The following ABCD4 variants were observed in gnomAD, a reference collection of about 807,000 sequenced individuals.
The protein encoded by ABCD4 is ATP binding cassette subfamily D member 4.
In ABCD4, 53 loss-of-function variants were observed where a neutral mutation model predicts 86.3. The observed-to-expected ratio is 0.61, with a 90% CI of 0.49 to 0.77. ABCD4 has a LOEUF of 0.77. Among genes scored for constraint, ABCD4 ranks in the 30% least tolerant of loss-of-function variants. The pLI is 0.00. For missense variants in ABCD4, 757 were observed against 764.5 expected, an observed-to-expected ratio of 0.99 and a Z score of 0.12; for synonymous variants, 328 against 313.6, an observed-to-expected ratio of 1.05 and a Z score of -0.49.
chr14:74,290,554 T>A, intron 11 of ABCD4, 55 bp from the exon 12 acceptor site: 2 of 1,417,168 alleles, frequency 1.4e-6, no homozygotes, highest in Middle Eastern at 1.8e-4. Context: ...AGTATTGCTG[T>A]GGGGGAGGCA....
Position 74,288,774 on chromosome 14 carries a change from C to T in ABCD4, c.1457-9G>A. The T allele has an allele frequency of 1.2e-6, 2 of 1,613,208 alleles. No homozygotes were observed. The highest frequency in any genetic ancestry group is 1.7e-6 in the Non-Finnish European group (2 of 1,179,674). On this transcript the variant is annotated splice_polypyrimidine_tract_variant and intron_variant, in intron 14 of 18. Transcript: ENST00000356924. The stretch of plus-strand genomic sequence containing the variant: ...CTCATCATCGGCAGAACCTGCACAA[C>T]AAAGAAGCCTTCTGCAAAAAGCCAG...
At chr14:74,289,871 A>C (rs1327034975) in intron 13 of ABCD4, 156 bp downstream of exon 13, 3 of 1,473,014 alleles carry the variant, frequency 2.0e-6, no homozygotes, top group Non-Finnish European at 2.7e-6. Flanking sequence ...TGTGAATAGA[A>C]GGTTCTTAGA....
chr14:74,288,257 GGACTGTAACA>G lies in ABCD4; in HGVS notation c.1507-8_1508del. On this transcript the variant is annotated splice_acceptor_variant and splice_polypyrimidine_tract_variant and coding_sequence_variant and intron_variant, in exon 16 of 19. Coordinates refer to ENST00000356924, the MANE Select transcript of ABCD4 (RefSeq NM_005050.4). LOFTEE classifies it high-confidence loss of function. Reference sequence around the variant, plus strand: ...GGCCCTCTGTCCTTGCCACCAAGTTGGACTGTAACAGACCCAGAGGGCAGGATGTCCATGA... The same window carrying G: ...GGCCCTCTGTCCTTGCCACCAAGTTGGACCCAGAGGGCAGGATGTCCATGA... The G allele has an allele frequency of 6.2e-7, 1 of 1,606,546 alleles. No homozygotes were observed. Among genetic ancestry groups the G allele is most frequent in the Non-Finnish European group, 8.5e-7 (1 of 1,176,518 alleles).
rs560687580 is a variant in ABCD4, at chr14:74,302,234, A to G, written c.38+641T>C. 7.9e-5 allele frequency among the ~76,000 whole-genome samples: 12 copies of G among 152,360 alleles called. No homozygotes were observed. In the East Asian group the frequency reaches 1.7e-3, roughly 22 times the overall value. On this transcript the variant is annotated intron_variant, in intron 1 of 18. Coordinates refer to ENST00000356924, the MANE Select transcript of ABCD4 (RefSeq NM_005050.4). The stretch of plus-strand genomic sequence containing the variant: ...AAAAAATCTATCCACCACTAGGGGA[A>G]TAAGTCTATGCACACAGCACCCCTC...
intron 18 of ABCD4, 53 bp from the exon 19 acceptor site, chr14:74,286,582 G>A (rs1172350632): frequency 2.5e-6 from 4 of 1,612,392 alleles, no homozygotes; most frequent in Admixed American, 1.7e-5. Flanking sequence ...CGCTGGCAGA[G>A]GAGGCCACTC....
rs1304834972 is a variant in ABCD4, at chr14:74,286,687, G to T, written c.1752+14C>A. On this transcript the variant is annotated intron_variant, in intron 18 of 18. Coordinates refer to ENST00000356924, the MANE Select transcript of ABCD4 (RefSeq NM_005050.4). Reference sequence around the variant, plus strand: ...TCTTTCTCCTCCTCAGGCCATCCTTGTGAGCACGGGTACCTTCTCAAGGCT... The same window carrying T: ...TCTTTCTCCTCCTCAGGCCATCCTTTTGAGCACGGGTACCTTCTCAAGGCT... 2.5e-6 allele frequency: 4 copies of T among 1,614,008 alleles called. No individual in the cohort carries two copies. The highest frequency in any genetic ancestry group is 1.7e-5 in the Admixed American group (1 of 60,024).
chr14:74,300,349 T>A lies in ABCD4; in HGVS notation c.39-81A>T, dbSNP rs117704058. ...GAGTAGTTATTAAGCTCATCCACAT[T>A]GTTCTGTAGAGGGTCCAGGCCATGC... is the stretch of plus-strand genomic sequence containing the variant. On this transcript the variant is annotated intron_variant, in intron 1 of 18. Transcript: ENST00000356924. The A allele has an allele frequency of 1.1e-3, 981 of 915,834 alleles. 26 individuals are homozygous for A. In the East Asian group the frequency reaches 0.023, roughly 22 times the overall value. The allele number at this position is 915,834 out of a possible 1,614,324, so 56.7% of individuals were successfully genotyped here. A position where few individuals can be genotyped will look rare whatever the true frequency, so the allele number is the denominator to read the frequency against.
intron 15 of ABCD4, 178 bp downstream of exon 15, chr14:74,288,538 C>T: frequency 2.8e-6 from 2 of 719,970 alleles, no homozygotes; most frequent in South Asian, 1.8e-5. Flanking sequence ...AATGAGAGCA[C>T]TACCCCCTTC....
rs761606036 is a variant in ABCD4 at position 74,296,286 on chromosome 14, G to A, written c.542+47C>T. 58 of 1,567,882 alleles carry A rather than the reference G, an allele frequency of 3.7e-5. No homozygotes were observed. The African/African-American group carries it at 7.6e-4, about 21-fold the overall frequency. On this transcript the variant is annotated intron_variant, in intron 5 of 18. Transcript: ENST00000356924. ...GGACCTTGACCTGGGAGAGCTGACT[G>A]AGGGCCCTCTGGGGAAACACCAGGC...
At chr14:74,291,661 G>GTA (rs1438976500) in intron 11 of ABCD4, among the ~76,000 whole-genome samples, 2 of 152,172 alleles carry the variant, frequency 1.3e-5, no homozygotes, top group Non-Finnish European at 2.9e-5. Flanking sequence ...CAACAGTTAA[G>GTA]GTATTAGCTC....
Position 74,296,393 on chromosome 14 carries a change from G to A in ABCD4, c.482C>T (p.Ala161Val). 6.2e-7 allele frequency: 1 copy of A among 1,614,146 alleles called. No homozygotes were observed. Among genetic ancestry groups the A allele is most frequent in the Non-Finnish European group, 8.5e-7 (1 of 1,180,036 alleles). Residue 161 changes from alanine to valine, a missense_variant, in exon 5 of 19, where the codon GCC (alanine) becomes GTC (valine). Ala to Val is a moderately conservative substitution (Grantham distance 64). Transcript: ENST00000356924. Reference protein sequence around the residue: ...ERFCRQLSSMASKLIISPFTL... With the variant: ...ERFCRQLSSMVSKLIISPFTL... ...GAACGGGGAGATGATGAGCTTGCTGGCCATGCTGCTGAGCTGCCGGCAGAA... is the reference window on the plus strand; with the variant it reads ...GAACGGGGAGATGATGAGCTTGCTGACCATGCTGCTGAGCTGCCGGCAGAA...
At chr14:74,297,712 A>G (rs2083229674) in intron 4 of ABCD4, 2 of 1,276,120 alleles carry the variant, frequency 1.6e-6, no homozygotes, top group Non-Finnish European at 2.0e-6. Context: ...GGTGCATGCC[A>G]CTGCACCTGG....
chr14:74,295,016 G>GA (rs1452037894), intron 7 of ABCD4, 132 bp downstream of exon 7: 2 of 1,096,750 alleles, frequency 1.8e-6, no homozygotes, highest in Non-Finnish European at 2.7e-6. Flanking sequence ...GAGGTAGAGG[G>GA]AGAGGGTCAC....
chr14:74,287,449 G>A (rs906657377), intron 17 of ABCD4, among the ~76,000 whole-genome samples: 1 of 151,522 alleles, frequency 6.6e-6, no homozygotes, highest in African/African-American at 2.4e-5. Flanking sequence ...AGCTACTCAG[G>A]AGGCTGAGGT....
At chr14:74,299,888 C>T (rs2083892969) in intron 2 of ABCD4, 2 of 581,904 alleles carry the variant, frequency 3.4e-6, no homozygotes, top group East Asian at 3.0e-5. Context: ...ATGGTGAAAC[C>T]CTGTCTTTAC....
Position 74,295,878 on chromosome 14 carries a change from T to C in ABCD4, c.644A>G (p.Gln215Arg), listed in dbSNP as rs1280841182. The C allele has an allele frequency of 2.5e-6, 4 of 1,613,460 alleles. No individual in the cohort carries two copies. The highest frequency in any genetic ancestry group is 2.7e-5 in the African/African-American group (2 of 74,898). Residue 215 changes from glutamine to arginine, a missense_variant, in exon 6 of 19, where the codon CAG becomes CGG. Transcript: ENST00000356924. Reference sequence around the variant, plus strand: ...CCTAAAATCTCCCTCCAGCTTCTCCTGATGCACCAGCTTCATCACAATGGG... The same window carrying C: ...CCTAAAATCTCCCTCCAGCTTCTCCCGATGCACCAGCTTCATCACAATGGG... Reference protein sequence around the residue: ...MGPIVMKLVHQEKLEGDFRFK... With the variant: ...MGPIVMKLVHREKLEGDFRFK...
intron 10 of ABCD4, 72 bp from the exon 11 acceptor site, chr14:74,292,448 A>G (rs2081765727): frequency 1.3e-6 from 2 of 1,587,626 alleles, no homozygotes; most frequent in South Asian, 2.2e-5. Context: ...CCTATCTCAC[A>G]CCCACGAGTA....
At chr14:74,290,683 CTT>C (rs35144250) in intron 11 of ABCD4, among the ~76,000 whole-genome samples, 184 bp from the exon 12 acceptor site, 105 of 103,942 alleles carry the variant, frequency 1.0e-3, no homozygotes, top group African/African-American at 3.6e-3. Flanking sequence ...GAGGCAGGGT[CTT>C]TTTTTTTTTT....
intron 11 of ABCD4, 35 bp downstream of exon 11, chr14:74,292,252 A>G: frequency 6.2e-7 from 1 of 1,604,950 alleles, no homozygotes; most frequent in South Asian, 1.1e-5. Context: ...CACAGCCTGC[A>G]GCCTCAACTA....
Sources: gnomAD v4.1 joint callset for allele counts (sites outside exome capture counted in the v4.1 genomes callset) on GRCh38, gnomAD v4.1.1 for gene constraint, MANE v1.5 for transcripts, NCBI Gene and HGNC (gene_info 2026-07-23, HGNC 2026-07-21) for gene names.